Variants in MAD1L1 observed in about 807,000 individuals in gnomAD.
MAD1L1 encodes the protein mitotic spindle assembly checkpoint protein MAD1.
A neutral mutation model predicts 96.9 loss-of-function variants in MAD1L1; 95 were observed. That is an observed-to-expected ratio of 0.98 (90% CI 0.83 to 1.16). The LOEUF (loss-of-function observed/expected upper bound fraction) is 1.16, where lower values mean the gene tolerates loss of function less well. Among genes scored for constraint, MAD1L1 ranks in the 50% most tolerant of loss-of-function variants. MAD1L1 has a pLI of 0.00. For missense variants in MAD1L1, 1,007 were observed against 954.4 expected, an observed-to-expected ratio of 1.06 and a Z score of -0.73; for synonymous variants, 473 against 396.6, an observed-to-expected ratio of 1.19 and a Z score of -2.29.
At chr7:2,042,271 A>G (rs373900292) in intron 12 of MAD1L1, among the ~76,000 whole-genome samples, 1,514 of 149,214 alleles carry the variant, frequency 0.01, 24 homozygotes, top group African/African-American at 0.038. Flanking sequence ...ACGCACATGC[A>G]CACACACGCG....
intron 18 of MAD1L1, among the ~76,000 whole-genome samples, chr7:1,839,492 C>T (rs1304057913): frequency 6.6e-6 from 1 of 152,186 alleles, no homozygotes; most frequent in Admixed American, 6.5e-5. Flanking sequence ...TGTTCGCTTC[C>T]GAGTGGGGCT....
intron 18 of MAD1L1, among the ~76,000 whole-genome samples, chr7:1,864,997 C>A (rs1338036975): frequency 6.6e-6 from 1 of 152,216 alleles, no homozygotes; most frequent in East Asian, 1.9e-4. Context: ...CACTGAAGCA[C>A]TGAGACACCT....
At chr7:1,901,113 G>A (rs758471455) in intron 17 of MAD1L1, among the ~76,000 whole-genome samples, 38 of 152,188 alleles carry the variant, frequency 2.5e-4, no homozygotes, top group Admixed American at 7.2e-4. Flanking sequence ...TCCTGTCCAC[G>A]TAGGGAAGGG....
chr7:1,873,015 AG>A (rs1176561880), intron 18 of MAD1L1, among the ~76,000 whole-genome samples: 1 of 152,254 alleles, frequency 6.6e-6, no homozygotes, highest in Non-Finnish European at 1.5e-5. Flanking sequence ...TCCCCAGGTG[AG>A]AAACGGAGAG....
At chr7:1,925,936 A>G (rs976750847) in intron 17 of MAD1L1, among the ~76,000 whole-genome samples, 1 of 152,208 alleles carries the variant, frequency 6.6e-6, no homozygotes, top group Non-Finnish European at 1.5e-5. Flanking sequence ...ACAAAACTAC[A>G]ACAGCAAAAT....
intron 18 of MAD1L1, among the ~76,000 whole-genome samples, chr7:1,850,192 C>T (rs893722770): frequency 3.9e-5 from 6 of 152,178 alleles, no homozygotes; most frequent in African/African-American, 1.4e-4. Flanking sequence ...GTCCTGAACC[C>T]CTGGGCAGGC....
At chr7:1,819,865 C>T (rs74978173) in intron 18 of MAD1L1, among the ~76,000 whole-genome samples, 22,839 of 152,018 alleles carry the variant, frequency 0.15, 1,871 homozygotes, top group South Asian at 0.19. Flanking sequence ...AAGAACAAGA[C>T]CCCCTGCTGC....
At chr7:1,928,570 G>A (rs776747364) in intron 17 of MAD1L1, among the ~76,000 whole-genome samples, 3 of 152,336 alleles carry the variant, frequency 2.0e-5, no homozygotes, top group South Asian at 2.1e-4. Flanking sequence ...GGCCAAACAG[G>A]CATGGTCCTG....
chr7:1,902,592 C>A (rs1787313404), intron 17 of MAD1L1, among the ~76,000 whole-genome samples: 1 of 152,256 alleles, frequency 6.6e-6, no homozygotes, highest in Admixed American at 6.5e-5. Flanking sequence ...CAGGGCACTG[C>A]CTGTCCACTT....
intron 12 of MAD1L1, among the ~76,000 whole-genome samples, chr7:2,019,080 G>A (rs747737547): frequency 8.5e-5 from 13 of 152,154 alleles, no homozygotes; most frequent in East Asian, 1.9e-4. Flanking sequence ...AGATTCAGGC[G>A]GGAACGTGGG....
At chr7:2,121,792 G>C (rs1211016785) in intron 11 of MAD1L1, among the ~76,000 whole-genome samples, 3 of 152,146 alleles carry the variant, frequency 2.0e-5, no homozygotes. Context: ...TGTGAGGTCT[G>C]TCTCACTGTC....
intron 17 of MAD1L1, among the ~76,000 whole-genome samples, chr7:1,922,753 C>A (rs1032867530): frequency 2.0e-5 from 3 of 152,222 alleles, no homozygotes; most frequent in Non-Finnish European, 4.4e-5. Context: ...GTGAGCTGCA[C>A]GGTTTCTGCA....
intron 11 of MAD1L1, among the ~76,000 whole-genome samples, chr7:2,094,276 C>A (rs1786362596): frequency 6.6e-6 from 1 of 152,164 alleles, no homozygotes; most frequent in Non-Finnish European, 1.5e-5. Context: ...CCTCTGGATG[C>A]AGAATCCCTC....
chr7:1,857,212 A>G (rs535215567), intron 18 of MAD1L1, among the ~76,000 whole-genome samples: 109 of 152,208 alleles, frequency 7.2e-4, no homozygotes, highest in Admixed American at 4.4e-3. Context: ...CTTCCCGAGG[A>G]TTTCATCAGC....
At chr7:2,167,438 A>G (rs1389862320) in intron 10 of MAD1L1, among the ~76,000 whole-genome samples, 1 of 151,830 alleles carries the variant, frequency 6.6e-6, no homozygotes, top group African/African-American at 2.4e-5. Flanking sequence ...AGTCCCAGCT[A>G]CTCGGGAGGC....
At chr7:1,881,430 A>G (rs893476854) in intron 18 of MAD1L1, among the ~76,000 whole-genome samples, 1 of 152,216 alleles carries the variant, frequency 6.6e-6, no homozygotes, top group African/African-American at 2.4e-5. Flanking sequence ...TAATCAATCT[A>G]CGAGGACCCT....
At chr7:1,819,712 G>C (rs1230569804) in intron 18 of MAD1L1, among the ~76,000 whole-genome samples, 1 of 152,136 alleles carries the variant, frequency 6.6e-6, no homozygotes, top group Admixed American at 6.5e-5. Flanking sequence ...GAGTGAGGGA[G>C]GGGTGGGGGC....
intron 16 of MAD1L1, among the ~76,000 whole-genome samples, chr7:1,944,218 G>A (rs971034490): frequency 1.3e-5 from 2 of 152,198 alleles, no homozygotes; most frequent in African/African-American, 2.4e-5. Context: ...GAGGGCACGG[G>A]AGACAGCAGG....
intron 12 of MAD1L1, among the ~76,000 whole-genome samples, chr7:2,064,823 CCCAGGACAGCGG>C (rs1784811602): frequency 6.6e-6 from 1 of 151,174 alleles, no homozygotes; most frequent in African/African-American, 2.4e-5. Flanking sequence ...AGCGGCTTCT[CCCAGGACAGCGG>C]CTTCTCCTAG....
Sources: gnomAD v4.1 joint callset for allele counts (sites outside exome capture counted in the v4.1 genomes callset) on GRCh38, gnomAD v4.1.1 for gene constraint, MANE v1.5 for transcripts, NCBI Gene and HGNC (gene_info 2026-07-23, HGNC 2026-07-21) for gene names.